Variants in IGFL2 observed in about 807,000 individuals in gnomAD.
IGFL2 encodes the protein IGF like family member 2.
IGFL2 carries 7 observed loss-of-function variants against 13.9 expected under a neutral mutation model. That is an observed-to-expected ratio of 0.51 (90% CI 0.29 to 0.95). The LOEUF (loss-of-function observed/expected upper bound fraction) is 0.95. Among genes scored for constraint, IGFL2 ranks in the 40% least tolerant of loss-of-function variants. The pLI, the probability that IGFL2 is intolerant of heterozygous loss-of-function variation, is 0.08. For missense variants in IGFL2, 138 were observed against 147.8 expected (o/e 0.93, Z 0.34); for synonymous variants, 55 against 55.8 (o/e 0.99, Z 0.07).
chr19:46,173,656 G>A, the IGFL2 span: 1 of 152,170 alleles, frequency 6.6e-6, no homozygotes, highest in Admixed American at 6.5e-5. Context: ...CTGTGAGGAG[G>A]GCACCAAGAC....
intron 1 of IGFL2, among the ~76,000 whole-genome samples, chr19:46,154,905 C>T (rs572260550): frequency 6.6e-6 from 1 of 152,282 alleles, no homozygotes; most frequent in Admixed American, 6.5e-5. Flanking sequence ...TTGTGGAGCT[C>T]TCTGTTCTGA....
At chr19:46,205,534 A>G in the IGFL2 span, among the ~76,000 whole-genome samples, 585 of 152,264 alleles carry the variant, frequency 3.8e-3, 21 homozygotes, top group Admixed American at 0.036. Flanking sequence ...GAAATCAGAT[A>G]CCACCTCTTC....
chr19:46,099,503 G>A, the IGFL2 span, among the ~76,000 whole-genome samples: 9 of 151,086 alleles, frequency 6.0e-5, no homozygotes, highest in African/African-American at 1.7e-4. Flanking sequence ...CATAGTTCTC[G>A]GAGGTTTTGT....
the IGFL2 span, among the ~76,000 whole-genome samples, chr19:46,171,242 A>G: frequency 6.6e-6 from 1 of 152,114 alleles, no homozygotes; most frequent in Admixed American, 6.5e-5. Context: ...ACCTACGTTG[A>G]ATTATCGGGG....
At chr19:46,187,435 G>T in the IGFL2 span, among the ~76,000 whole-genome samples, 2 of 147,058 alleles carry the variant, frequency 1.4e-5, no homozygotes, top group African/African-American at 2.6e-5. Context: ...CTGAGATTGT[G>T]CTGCTGGTGT....
At chr19:46,160,993 C>G in intron 3 of IGFL2, 77 bp from the exon 4 acceptor site, 1 of 1,540,786 alleles carries the variant, frequency 6.5e-7, no homozygotes. Flanking sequence ...GTAGTCTAAT[C>G]TCTAGCAGTT....
At chr19:46,079,652 C>T in the IGFL2 span, among the ~76,000 whole-genome samples, 737 of 152,296 alleles carry the variant, frequency 4.8e-3, 6 homozygotes, top group African/African-American at 0.017. Context: ...TTAGCTACAT[C>T]ATAGTCTGCA....
chr19:46,096,509 T>C, the IGFL2 span, among the ~76,000 whole-genome samples: 1 of 152,178 alleles, frequency 6.6e-6, no homozygotes, highest in African/African-American at 2.4e-5. Flanking sequence ...GAATACTCTT[T>C]ATTTCTTTCT....
At chr19:46,172,946 A>G in the IGFL2 span, among the ~76,000 whole-genome samples, 2 of 152,068 alleles carry the variant, frequency 1.3e-5, no homozygotes, top group Non-Finnish European at 2.9e-5. Flanking sequence ...ATACCCCTCT[A>G]TGTAATATAG....
the IGFL2 span, among the ~76,000 whole-genome samples, chr19:46,134,396 A>G: frequency 6.6e-6 from 1 of 152,182 alleles, no homozygotes; most frequent in African/African-American, 2.4e-5. Flanking sequence ...AGCACATTAC[A>G]TTAATTGTGG....
the IGFL2 span, among the ~76,000 whole-genome samples, chr19:46,177,386 C>CTA: frequency 1.3e-5 from 2 of 152,058 alleles, no homozygotes; most frequent in African/African-American, 4.8e-5. Context: ...GAGTGAGACT[C>CTA]CGTCTCAAAA....
At chr19:46,089,677 T>C in the IGFL2 span, among the ~76,000 whole-genome samples, 1 of 152,040 alleles carries the variant, frequency 6.6e-6, no homozygotes, top group African/African-American at 2.4e-5. Context: ...TTCTGCACTT[T>C]GAACTCTCTC....
At chr19:46,132,077 T>G in the IGFL2 span, among the ~76,000 whole-genome samples, 2 of 152,170 alleles carry the variant, frequency 1.3e-5, no homozygotes, top group African/African-American at 4.8e-5. Flanking sequence ...AGGAAATGGG[T>G]TAAAGCCTTG....
At chr19:46,119,039 C>G in the IGFL2 span, among the ~76,000 whole-genome samples, 3 of 152,164 alleles carry the variant, frequency 2.0e-5, no homozygotes, top group South Asian at 2.1e-4. Flanking sequence ...GGAGGGATCT[C>G]TGTTTTGTCT....
At chr19:46,097,592 G>A in the IGFL2 span, among the ~76,000 whole-genome samples, 4 of 152,096 alleles carry the variant, frequency 2.6e-5, no homozygotes, top group Non-Finnish European at 5.9e-5. Context: ...TCTTTTAGTT[G>A]CAATATTAGG....
At chr19:46,193,218 A>G in the IGFL2 span, among the ~76,000 whole-genome samples, 2 of 152,122 alleles carry the variant, frequency 1.3e-5, no homozygotes, top group Non-Finnish European at 2.9e-5. Context: ...AACACAAAAC[A>G]AAGAAAAAAC....
the IGFL2 span, chr19:46,211,811 A>G: frequency 6.6e-6 from 1 of 152,054 alleles, no homozygotes; most frequent in Non-Finnish European, 1.5e-5. Context: ...GACACTCCTG[A>G]ATGATACCCA....
downstream of IGFL2, among the ~76,000 whole-genome samples, chr19:46,161,985 C>A (rs982934805): frequency 2.6e-5 from 4 of 152,186 alleles, no homozygotes; most frequent in African/African-American, 4.8e-5. Context: ...GTGCTCCTTG[C>A]AAAATCTCTT....
chr19:46,172,425 TA>T, the IGFL2 span, among the ~76,000 whole-genome samples: 1 of 152,300 alleles, frequency 6.6e-6, no homozygotes, highest in East Asian at 1.9e-4. Context: ...TTCACCAGGT[TA>T]AAAAATCACA....
Sources: gnomAD v4.1 joint callset for allele counts (sites outside exome capture counted in the v4.1 genomes callset) on GRCh38, gnomAD v4.1.1 for gene constraint, MANE v1.5 for transcripts, NCBI Gene and HGNC (gene_info 2026-07-23, HGNC 2026-07-21) for gene names.